The following PANX1 variants were observed in gnomAD, a reference collection of about 807,000 sequenced individuals.
The protein encoded by PANX1 is pannexin 1.
In PANX1, 30 loss-of-function variants were observed where a neutral mutation model predicts 38.7. That is an observed-to-expected ratio of 0.78 (90% CI 0.58 to 1.05). The LOEUF (loss-of-function observed/expected upper bound fraction) is 1.05, where lower values mean the gene tolerates loss of function less well. Among genes scored for constraint, PANX1 ranks in the 50% least tolerant of loss-of-function variants. PANX1 has a pLI of 0.00. For synonymous variants in PANX1, 230 were observed against 212.2 expected, an observed-to-expected ratio of 1.08 and a Z score of -0.73; for missense variants, 551 against 517.2, an observed-to-expected ratio of 1.07 and a Z score of -0.63.
chr11:94,138,735 TG>T (rs1296479673), intron 1 of PANX1, among the ~76,000 whole-genome samples: 2 of 152,344 alleles, frequency 1.3e-5, no homozygotes, highest in East Asian at 1.9e-4. Context: ...CATCAAATAC[TG>T]GATCTTATTC....
chr11:94,181,860 T>C lies in PANX1; in HGVS notation c.*991T>C, dbSNP rs1002867446. 2 of 152,214 alleles carry C rather than the reference T, an allele frequency of 1.3e-5. No homozygotes were observed. Among genetic ancestry groups the C allele is most frequent in the African/African-American group, 4.8e-5 (2 of 41,458 alleles). 9.4% of individuals were successfully genotyped at this position (152,214 alleles called of 1,614,324 possible). ...TTTTGTTTATATTTAAGCACAGCTT[T>C]AAAAAATTCATTATCGTTTATTCAG... On this transcript the variant is annotated 3_prime_UTR_variant, in exon 5 of 5. Transcript: ENST00000227638.
intron 1 of PANX1, among the ~76,000 whole-genome samples, chr11:94,139,232 A>G (rs1946733666): frequency 6.6e-6 from 1 of 152,220 alleles, no homozygotes; most frequent in African/African-American, 2.4e-5. Context: ...ATACCTAGGT[A>G]AATTAAAGTT....
rs1388998754 is a variant in PANX1 at position 94,179,662 on chromosome 11, A to G, written c.606A>G (p.Thr202=). 6 of 1,613,660 alleles carry G rather than the reference A, an allele frequency of 3.7e-6. No individual in the cohort carries two copies. In the South Asian group the frequency reaches 6.6e-5, roughly 18 times the overall value. The part of the protein sequence containing the change: ...KYPIVEQYLK[T]KKNSNNLIIK... ...CAATTGTGGAGCAGTACTTGAAGACAAAGAAAAATTCTAATAATTTAATCA... is the reference window on the plus strand; with the variant it reads ...CAATTGTGGAGCAGTACTTGAAGACGAAGAAAAATTCTAATAATTTAATCA... Residue 202 remains threonine (T), a synonymous_variant, in exon 4 of 5, where the codon ACA becomes ACG. Coordinates refer to ENST00000227638, the MANE Select transcript of PANX1 (RefSeq NM_015368.4).
intron 2 of PANX1, among the ~76,000 whole-genome samples, chr11:94,168,328 C>T (rs921966335): frequency 5.3e-5 from 8 of 151,980 alleles, no homozygotes; most frequent in African/African-American, 1.9e-4. Flanking sequence ...TGAAAACTAA[C>T]CAGATGGATG....
chr11:94,179,313 C>T (rs1185380624), intron 3 of PANX1, among the ~76,000 whole-genome samples: 3 of 152,146 alleles, frequency 2.0e-5, no homozygotes, highest in Non-Finnish European at 4.4e-5. Flanking sequence ...GAGGCGTATG[C>T]TTACACATAT....
At chr11:94,148,811 C>G (rs1459017394) in intron 1 of PANX1, among the ~76,000 whole-genome samples, 2 of 152,134 alleles carry the variant, frequency 1.3e-5, no homozygotes, top group African/African-American at 4.8e-5. Context: ...TCATCATATT[C>G]TCTGTTTTCC....
intron 1 of PANX1, among the ~76,000 whole-genome samples, chr11:94,148,208 C>T (rs188272965): frequency 6.6e-6 from 1 of 152,152 alleles, no homozygotes. Flanking sequence ...TTGGGACATC[C>T]AGAATATATT....
At chr11:94,166,306 T>C (rs1947100772) in intron 2 of PANX1, among the ~76,000 whole-genome samples, 1 of 152,228 alleles carries the variant, frequency 6.6e-6, no homozygotes, top group Non-Finnish European at 1.5e-5. Context: ...TCTTTCAGAC[T>C]GAAGAACTCC....
rs1947192206 is a variant in PANX1 at position 94,173,458 on chromosome 11, ATCTTC to A, written c.322-4908_322-4904del. ...AGGTATCTCATGTTCAAAATTTCTC[ATCTTC>A]TCAGGTCTGCCTCCCACCTCACTCC... On this transcript the variant is annotated intron_variant, in intron 2 of 4. Coordinates refer to ENST00000227638, the MANE Select transcript of PANX1 (RefSeq NM_015368.4). Among the ~76,000 whole-genome samples, 2 of 151,386 alleles carry A rather than the reference ATCTTC, an allele frequency of 1.3e-5. 1 individual carries two copies. Among genetic ancestry groups the A allele is most frequent in the South Asian group, 4.2e-4 (2 of 4,808 alleles).
intron 2 of PANX1, among the ~76,000 whole-genome samples, chr11:94,162,727 GC>G (rs1451851995): frequency 6.6e-6 from 1 of 152,076 alleles, no homozygotes; most frequent in African/African-American, 2.4e-5. Context: ...CCACTGTCCT[GC>G]CCCCACTTTC....
chr11:94,178,969 G>A (rs1262335663), intron 3 of PANX1, among the ~76,000 whole-genome samples: 1 of 152,188 alleles, frequency 6.6e-6, no homozygotes, highest in Non-Finnish European at 1.5e-5. Flanking sequence ...CTGAGCAAGG[G>A]ATGAGAGAGA....
intron 2 of PANX1, among the ~76,000 whole-genome samples, chr11:94,158,662 G>T (rs1946984150): frequency 6.6e-6 from 1 of 152,138 alleles, no homozygotes; most frequent in Non-Finnish European, 1.5e-5. Flanking sequence ...AGACAATGGG[G>T]TTTTCTAAAT....
At chr11:94,144,975 C>G (rs190191713) in intron 1 of PANX1, among the ~76,000 whole-genome samples, 145 of 152,244 alleles carry the variant, frequency 9.5e-4, no homozygotes, top group African/African-American at 3.3e-3. Flanking sequence ...AATACCGTCT[C>G]CCCCTGATTC....
chr11:94,132,643 G>A (rs561376240), intron 1 of PANX1, among the ~76,000 whole-genome samples: 28 of 152,166 alleles, frequency 1.8e-4, no homozygotes, highest in African/African-American at 6.3e-4. Flanking sequence ...AAAATCAGCT[G>A]TAATTACATG....
At chr11:94,144,162 G>T (rs1946798081) in intron 1 of PANX1, among the ~76,000 whole-genome samples, 1 of 152,028 alleles carries the variant, frequency 6.6e-6, no homozygotes, top group South Asian at 2.1e-4. Context: ...TATTAAAGCT[G>T]CCCCTTGGCC....
chr11:94,158,650 T>C (rs1049586598), intron 2 of PANX1, among the ~76,000 whole-genome samples: 5 of 152,226 alleles, frequency 3.3e-5, no homozygotes, highest in Non-Finnish European at 5.9e-5. Context: ...GATTTTGGGC[T>C]GAGACAATGG....
chr11:94,156,852 A>G (rs921592833), intron 2 of PANX1, among the ~76,000 whole-genome samples: 12 of 151,254 alleles, frequency 7.9e-5, no homozygotes, highest in African/African-American at 2.9e-4. Flanking sequence ...CATTAGGTAT[A>G]CCTCCTAATG....
intron 2 of PANX1, 63 bp downstream of exon 2, chr11:94,153,693 G>A: frequency 6.7e-7 from 1 of 1,496,868 alleles, no homozygotes; most frequent in Admixed American, 1.9e-5. Flanking sequence ...TAAAGCCCAG[G>A]GAGGCTATGC....
intron 1 of PANX1, among the ~76,000 whole-genome samples, chr11:94,149,874 G>A (rs1380821661): frequency 6.6e-6 from 1 of 152,170 alleles, no homozygotes; most frequent in Non-Finnish European, 1.5e-5. Context: ...CAAAGCACCA[G>A]ACAGATGTTA....
Sources: gnomAD v4.1 joint callset for allele counts (sites outside exome capture counted in the v4.1 genomes callset) on GRCh38, gnomAD v4.1.1 for gene constraint, MANE v1.5 for transcripts, NCBI Gene and HGNC (gene_info 2026-07-23, HGNC 2026-07-21) for gene names.